PRKG1: variants seen among roughly 807,000 people sequenced by gnomAD.
PRKG1 encodes protein kinase cGMP-dependent 1.
Under a neutral mutation model 88.1 loss-of-function variants are expected in PRKG1, and 35 were observed. That is an observed-to-expected ratio of 0.40 (90% CI 0.30 to 0.53). The LOEUF (loss-of-function observed/expected upper bound fraction) is 0.53. Among genes scored for constraint, PRKG1 ranks in the 20% least tolerant of loss-of-function variants. PRKG1 has a pLI of 0.59. For synonymous variants in PRKG1, 303 were observed against 292.5 expected, an observed-to-expected ratio of 1.04 and a Z score of -0.37; for missense variants, 540 against 839.8, an observed-to-expected ratio of 0.64 and a Z score of 4.41.
chr10:51,830,439 T>A (rs1362493812), intron 4 of PRKG1, among the ~76,000 whole-genome samples: 1 of 152,126 alleles, frequency 6.6e-6, no homozygotes, highest in African/African-American at 2.4e-5. Context: ...AGGTCATACA[T>A]ACACATTCAC....
chr10:51,345,240 TAATC>T (rs1842086614), intron 2 of PRKG1, among the ~76,000 whole-genome samples: 1 of 152,230 alleles, frequency 6.6e-6, no homozygotes, highest in Non-Finnish European at 1.5e-5. Flanking sequence ...CTGATGAGAA[TAATC>T]AATCAAGTGC....
chr10:51,507,994 A>G (rs1841277021), intron 3 of PRKG1, among the ~76,000 whole-genome samples: 1 of 152,156 alleles, frequency 6.6e-6, no homozygotes, highest in African/African-American at 2.4e-5. Flanking sequence ...TGAATATACT[A>G]TTGAGAGACA....
chr10:51,726,793 C>G (rs1842141856), intron 3 of PRKG1, among the ~76,000 whole-genome samples: 1 of 151,952 alleles, frequency 6.6e-6, no homozygotes, highest in African/African-American at 2.4e-5. Context: ...TTTGTTTGTT[C>G]TGAGATGGAG....
At chr10:51,317,477 C>A (rs1302361666) in intron 2 of PRKG1, among the ~76,000 whole-genome samples, 1 of 152,198 alleles carries the variant, frequency 6.6e-6, no homozygotes, top group South Asian at 2.1e-4. Context: ...CACACAAACA[C>A]CCTTGGCTCT....
chr10:51,099,650 A>G (rs1844630581), intron 1 of PRKG1, among the ~76,000 whole-genome samples: 1 of 152,174 alleles, frequency 6.6e-6, no homozygotes, highest in Non-Finnish European at 1.5e-5. Context: ...ACTCTGTGGA[A>G]TAAAGTTAAT....
chr10:51,046,479 A>G (rs899850468), intron 1 of PRKG1, among the ~76,000 whole-genome samples: 2 of 152,236 alleles, frequency 1.3e-5, no homozygotes, highest in African/African-American at 4.8e-5. Context: ...GTTAGTATCA[A>G]TATGAAAATC....
At chr10:51,318,583 A>C (rs994520921) in intron 2 of PRKG1, among the ~76,000 whole-genome samples, 1 of 152,208 alleles carries the variant, frequency 6.6e-6, no homozygotes, top group African/African-American at 2.4e-5. Context: ...TCGGGTAAGG[A>C]GTCAACACTG....
intron 3 of PRKG1, chr10:51,697,916 C>T (rs1393714223): frequency 1.9e-6 from 3 of 1,598,470 alleles, no homozygotes. Context: ...TATACCTCCT[C>T]CTTGTATACC....
chr10:51,165,465 C>A (rs992887095), intron 2 of PRKG1, among the ~76,000 whole-genome samples: 5 of 152,064 alleles, frequency 3.3e-5, no homozygotes, highest in Non-Finnish European at 5.9e-5. Context: ...TAAAGACCAT[C>A]GAGGCTAGGA....
intron 10 of PRKG1, among the ~76,000 whole-genome samples, chr10:52,267,286 G>GGTAATA (rs1564538511): frequency 1.3e-5 from 2 of 151,978 alleles, no homozygotes; most frequent in Non-Finnish European, 2.9e-5. Context: ...CCTGTAAGAA[G>GGTAATA]GTAATAGTGT....
intron 1 of PRKG1, among the ~76,000 whole-genome samples, chr10:51,122,312 A>T (rs1224795099): frequency 2.0e-5 from 3 of 152,224 alleles, no homozygotes; most frequent in African/African-American, 7.2e-5. Context: ...TCTCCCAAAC[A>T]GTAGTGAGAC....
chr10:51,469,295 AT>A (rs556253535), intron 3 of PRKG1, among the ~76,000 whole-genome samples: 19 of 151,776 alleles, frequency 1.3e-4, no homozygotes, highest in African/African-American at 2.7e-4. Flanking sequence ...TATTATAAGT[AT>A]TTTTTTGTTT....
At chr10:52,159,424 T>C (rs1029614400) in intron 8 of PRKG1, among the ~76,000 whole-genome samples, 1 of 151,574 alleles carries the variant, frequency 6.6e-6, no homozygotes, top group Admixed American at 6.6e-5. Flanking sequence ...TACTTGTCAC[T>C]GGATATGATA....
chr10:51,280,091 T>A (rs1840249589), intron 2 of PRKG1, among the ~76,000 whole-genome samples: 1 of 152,212 alleles, frequency 6.6e-6, no homozygotes, highest in South Asian at 2.1e-4. Flanking sequence ...TCTCTCAGCA[T>A]TTGCTTGTCT....
chr10:51,726,212 C>T (rs1213499704), intron 3 of PRKG1, among the ~76,000 whole-genome samples: 1 of 152,032 alleles, frequency 6.6e-6, no homozygotes, highest in Admixed American at 6.6e-5. Context: ...TCAGCATTAT[C>T]CTTTTACACA....
chr10:51,341,060 T>G (rs1041654361), intron 2 of PRKG1, among the ~76,000 whole-genome samples: 1 of 152,148 alleles, frequency 6.6e-6, no homozygotes, highest in Non-Finnish European at 1.5e-5. Flanking sequence ...CAGACTGATT[T>G]CCATAAAATA....
intron 5 of PRKG1, among the ~76,000 whole-genome samples, chr10:51,946,896 G>T (rs1341049750): frequency 6.6e-6 from 1 of 152,020 alleles, no homozygotes; most frequent in Non-Finnish European, 1.5e-5. Flanking sequence ...CAGTTAGGCT[G>T]CTCAGGGGTC....
intron 7 of PRKG1, among the ~76,000 whole-genome samples, chr10:52,074,185 G>C (rs1345680787): frequency 6.6e-6 from 1 of 152,160 alleles, no homozygotes; most frequent in Non-Finnish European, 1.5e-5. Flanking sequence ...AAATACATTA[G>C]TTTTAAGTAA....
intron 2 of PRKG1, among the ~76,000 whole-genome samples, chr10:51,400,079 A>C (rs1837694806): frequency 1.3e-5 from 2 of 152,182 alleles, no homozygotes; most frequent in South Asian, 4.1e-4. Flanking sequence ...GTTTCTATCT[A>C]AGAACCAGGT....
Sources: gnomAD v4.1 joint callset for allele counts (sites outside exome capture counted in the v4.1 genomes callset) on GRCh38, gnomAD v4.1.1 for gene constraint, MANE v1.5 for transcripts, NCBI Gene and HGNC (gene_info 2026-07-23, HGNC 2026-07-21) for gene names.